Variants in RACGAP1 observed in about 807,000 individuals in gnomAD.
The protein encoded by RACGAP1 is rac GTPase-activating protein 1.
In RACGAP1, 30 loss-of-function variants were observed where a neutral mutation model predicts 78.1. The observed-to-expected ratio is 0.38, with a 90% CI of 0.29 to 0.52. The LOEUF (loss-of-function observed/expected upper bound fraction) is 0.52. Ranked by LOEUF, RACGAP1 falls within the 20% of genes least tolerant of loss-of-function variation. The pLI is 0.82. For synonymous variants in RACGAP1, 231 were observed against 264.8 expected, an observed-to-expected ratio of 0.87 and a Z score of 1.24; for missense variants, 587 against 777.1, an observed-to-expected ratio of 0.76 and a Z score of 2.91.
intron 2 of RACGAP1, among the ~76,000 whole-genome samples, chr12:50,016,097 A>G (rs1358750896): frequency 6.6e-6 from 1 of 151,776 alleles, no homozygotes; most frequent in Non-Finnish European, 1.5e-5. Flanking sequence ...ATAATAAAAA[A>G]GCAGCCGGGC....
In RACGAP1 at chr12:49,992,052, G is replaced by A. The variant is rs1947920354; in HGVS notation, c.1660C>T (p.His554Tyr). ...MVEQENIDPL[H>Y]VIENSNAFST... Reference sequence around the variant, plus strand: ...AAGGCATTTGAGTTTTCAATGACATGTAGGGGGTCAATGTTCTCTTGCTCC... The same window carrying A: ...AAGGCATTTGAGTTTTCAATGACATATAGGGGGTCAATGTTCTCTTGCTCC... Residue 554 changes from histidine to tyrosine, a missense_variant, in exon 15 of 17, where the codon CAT becomes TAT. By Grantham distance (83) the His-to-Tyr change is moderately conservative (BLOSUM62 2). Coordinates refer to ENST00000312377, the MANE Select transcript of RACGAP1 (RefSeq NM_001319999.2). The A allele has an allele frequency of 1.9e-6, 3 of 1,614,118 alleles. No individual in the cohort carries two copies. Among genetic ancestry groups the A allele is most frequent in the Non-Finnish European group, 2.5e-6 (3 of 1,180,028 alleles).
Position 50,006,671 on chromosome 12 carries a change from CCAAA to C in RACGAP1, c.86-39_86-36del, listed in dbSNP as rs779797457. On this transcript the variant is annotated intron_variant, in intron 2 of 16. Transcript: ENST00000312377. ...GGGGGAATCTTTAATAATTCAAGCACCAAACAGAGTATAACTGCTCTAATAAATG... is the reference window on the plus strand; with the variant it reads ...GGGGGAATCTTTAATAATTCAAGCACCAGAGTATAACTGCTCTAATAAATG... The C allele has an allele frequency of 3.2e-4, 516 of 1,591,806 alleles. 1 individual carries two copies. The highest frequency in any genetic ancestry group is 1.7e-4 in the Middle Eastern group (1 of 6,048).
At chr12:50,014,526 C>T (rs1384498516) in intron 2 of RACGAP1, among the ~76,000 whole-genome samples, 1 of 152,158 alleles carries the variant, frequency 6.6e-6, no homozygotes, top group African/African-American at 2.4e-5. Flanking sequence ...CTTCAGCCTC[C>T]TGAGTATCTG....
upstream of RACGAP1, among the ~76,000 whole-genome samples, chr12:50,029,888 G>A (rs185234224): frequency 7.2e-5 from 11 of 152,148 alleles, no homozygotes; most frequent in Non-Finnish European, 1.2e-4. Flanking sequence ...GCGAGACTCC[G>A]TCTCAAAAAA....
chr12:49,999,270 A>C lies in RACGAP1; in HGVS notation c.750T>G (p.Gly250=). 6.3e-7 allele frequency: 1 copy of C among 1,594,260 alleles called. No individual in the cohort carries two copies. The highest frequency in any genetic ancestry group is 8.5e-7 in the Non-Finnish European group (1 of 1,175,140). The stretch of plus-strand genomic sequence containing the variant: ...AGTCACTGTTCCAAGGTTGTAAAGT[A>C]CCTAGAAAACAAGCAACTTTTAAGC... ...PYWTRSRRKT[G]TLQPWNSDST... Residue 250 remains glycine, a splice_region_variant and synonymous_variant, in exon 9 of 17, where the codon GGT becomes GGG. Transcript: ENST00000312377.
At chr12:50,012,539 TAAG>T (rs1565691392) in intron 2 of RACGAP1, among the ~76,000 whole-genome samples, 2 of 148,650 alleles carry the variant, frequency 1.3e-5, no homozygotes. Context: ...CCAGCCTGGG[TAAG>T]AAGAGTGAAA....
chr12:50,007,546 C>T (rs182342672), intron 2 of RACGAP1, among the ~76,000 whole-genome samples: 152 of 152,350 alleles, frequency 1.0e-3, no homozygotes, highest in Admixed American at 1.8e-3. Flanking sequence ...GTCAAACTAA[C>T]CCAGTTAAAA....
intron 2 of RACGAP1, among the ~76,000 whole-genome samples, chr12:50,012,560 T>G (rs1334674025): frequency 6.8e-6 from 1 of 147,418 alleles, no homozygotes; most frequent in Non-Finnish European, 1.5e-5. Context: ...AAACTCCATC[T>G]CAAAAAAATA....
intron 1 of RACGAP1, chr12:50,017,124 ATATC>A: frequency 1.0e-6 from 1 of 972,720 alleles, no homozygotes; most frequent in Non-Finnish European, 1.2e-6. Flanking sequence ...GTAACTTAAA[ATATC>A]TATTTTTAAT....
At chr12:50,025,682 G>T, upstream of RACGAP1, 1 of 365,050 alleles carries the variant, frequency 2.7e-6, no homozygotes, top group Non-Finnish European at 3.8e-6. Context: ...TTTTTTTGCG[G>T]TGCCCTTTCC....
chr12:49,990,591 C>T (rs1035454684), intron 16 of RACGAP1, 93 bp downstream of exon 16: 19 of 1,047,252 alleles, frequency 1.8e-5, no homozygotes, highest in Admixed American at 4.4e-5. Context: ...TAGCTAAAAT[C>T]GAATGCAATT....
At chr12:49,993,085 G>C (rs763039606) in intron 12 of RACGAP1, among the ~76,000 whole-genome samples, 1 of 152,292 alleles carries the variant, frequency 6.6e-6, no homozygotes, top group East Asian at 1.9e-4. Flanking sequence ...TACCTATCAG[G>C]TAGAGTGATA....
At chr12:49,999,346 T>C in intron 8 of RACGAP1, 75 bp from the exon 9 acceptor site, 4 of 1,517,404 alleles carry the variant, frequency 2.6e-6, no homozygotes, top group Non-Finnish European at 3.6e-6. Context: ...CAATTTTAAC[T>C]GGGAGATAAA....
intron 2 of RACGAP1, among the ~76,000 whole-genome samples, chr12:50,014,292 C>CG (rs1949524345): frequency 6.6e-6 from 1 of 152,152 alleles, no homozygotes; most frequent in South Asian, 2.1e-4. Flanking sequence ...GAATAATTCC[C>CG]TTGGATCACA....
At chr12:49,997,738 C>T (rs142906042) in intron 9 of RACGAP1, among the ~76,000 whole-genome samples, 6 of 151,666 alleles carry the variant, frequency 4.0e-5, no homozygotes, top group Admixed American at 6.6e-5. Flanking sequence ...CCACCACGCC[C>T]GGCTAATTTT....
chr12:49,996,954 A>G, intron 10 of RACGAP1, 86 bp downstream of exon 10: 6 of 1,382,246 alleles, frequency 4.3e-6, no homozygotes, highest in Non-Finnish European at 5.7e-6. Flanking sequence ...ATTTGAGATG[A>G]TTAATTTTAG....
Position 50,016,679 on chromosome 12 carries a change from C to T in RACGAP1, c.37G>A (p.Glu13Lys). ...ATCTCCACCCGGCGCACAAGCTGCT[C>T]AAACAGATTCCGCACATTCAGCATC... ...TMMLNVRNLF[E>K]QLVRRVEILS... The change falls in exon 2 of 17, where the codon GAG becomes AAG. Residue 13 changes from glutamate to lysine, a missense_variant. Coordinates refer to ENST00000312377, the MANE Select transcript of RACGAP1 (RefSeq NM_001319999.2). 1 of 1,614,034 alleles carries T rather than the reference C, an allele frequency of 6.2e-7. No individual in the cohort carries two copies. The highest frequency in any genetic ancestry group is 8.5e-7 in the Non-Finnish European group (1 of 1,180,014).
intron 1 of RACGAP1, chr12:50,018,529 G>T: frequency 7.8e-7 from 1 of 1,288,014 alleles, no homozygotes; most frequent in South Asian, 1.2e-5. Flanking sequence ...AAGTGCTACA[G>T]GACAGAAACA....
intron 9 of RACGAP1, among the ~76,000 whole-genome samples, chr12:49,997,580 T>C (rs186130175): frequency 6.7e-6 from 1 of 149,122 alleles, no homozygotes; most frequent in African/African-American, 2.5e-5. Flanking sequence ...GGCCTTTTTT[T>C]GTCTTTTTTT....
Sources: allele counts gnomAD v4.1 joint callset (sites outside exome capture counted in the v4.1 genomes callset), GRCh38; gene constraint gnomAD v4.1.1; transcripts MANE v1.5; gene names NCBI Gene and HGNC (gene_info 2026-07-23, HGNC 2026-07-21).